The following RGS6 variants were observed in gnomAD, a reference collection of about 807,000 sequenced individuals.
RGS6 encodes regulator of G-protein signaling 6.
In RGS6, 30 loss-of-function variants were observed where a neutral mutation model predicts 78.5. The ratio of observed to expected loss-of-function variants is 0.38; its 90% CI spans 0.29 to 0.52. The LOEUF (loss-of-function observed/expected upper bound fraction) is 0.52. Ranked by LOEUF, RGS6 falls within the 20% of genes least tolerant of loss-of-function variation. The probability of loss-of-function intolerance (pLI) is 0.85; values close to 1 mark genes in which losing one functional copy is unlikely to be tolerated. For missense variants in RGS6, 495 were observed against 609.7 expected (o/e 0.81, Z 1.98); for synonymous variants, 206 against 206.0 (o/e 1.00, Z 0.00).
intron 6 of RGS6, among the ~76,000 whole-genome samples, chr14:72,464,495 A>G (rs1372260079): frequency 6.6e-6 from 1 of 152,128 alleles, no homozygotes; most frequent in Non-Finnish European, 1.5e-5. Flanking sequence ...GTATCAGTAA[A>G]TTTTTCAGAA....
chr14:71,898,867 A>T, the RGS6 span, among the ~76,000 whole-genome samples: 3 of 152,218 alleles, frequency 2.0e-5, no homozygotes, highest in Non-Finnish European at 4.4e-5. Flanking sequence ...GTGGCTGCAT[A>T]GTAACCCATG....
chr14:72,316,966 T>C (rs2152492122), intron 2 of RGS6, among the ~76,000 whole-genome samples: 1 of 151,594 alleles, frequency 6.6e-6, no homozygotes, highest in African/African-American at 2.4e-5. Context: ...TCAATGTTCC[T>C]TTGAAAATGG....
intron 2 of RGS6, among the ~76,000 whole-genome samples, chr14:71,967,800 A>G (rs548461280): frequency 9.8e-5 from 15 of 152,310 alleles, no homozygotes; most frequent in African/African-American, 3.6e-4. Flanking sequence ...GTGGATGATT[A>G]TGTCCATAAT....
intron 1 of RGS6, among the ~76,000 whole-genome samples, chr14:71,942,008 A>G (rs981340996): frequency 6.6e-6 from 1 of 152,220 alleles, no homozygotes; most frequent in African/African-American, 2.4e-5. Flanking sequence ...TATACCTGCC[A>G]ATAGGTGTTC....
chr14:72,291,772 A>T (rs57843943), intron 2 of RGS6, among the ~76,000 whole-genome samples: 14 of 152,168 alleles, frequency 9.2e-5, no homozygotes, highest in South Asian at 4.1e-4. Context: ...GCAAATTTTT[A>T]AAAAAAGAAA....
intron 17 of RGS6, among the ~76,000 whole-genome samples, chr14:72,544,227 C>G (rs1298740144): frequency 6.6e-6 from 1 of 152,222 alleles, no homozygotes; most frequent in Non-Finnish European, 1.5e-5. Context: ...CTGAAGCCAT[C>G]TGGTGAGAGC....
chr14:71,986,022 G>C (rs1178246551), intron 2 of RGS6, among the ~76,000 whole-genome samples: 1 of 152,174 alleles, frequency 6.6e-6, no homozygotes, highest in Non-Finnish European at 1.5e-5. Context: ...CAAGTTTGAA[G>C]AATAAAACTT....
At chr14:72,246,035 A>G (rs532305754) in intron 2 of RGS6, among the ~76,000 whole-genome samples, 2 of 152,336 alleles carry the variant, frequency 1.3e-5, no homozygotes, top group South Asian at 4.1e-4. Context: ...CCTTCAACCT[A>G]AAATATTCAG....
At chr14:72,410,030 G>A (rs2093284522) in intron 3 of RGS6, among the ~76,000 whole-genome samples, 1 of 152,206 alleles carries the variant, frequency 6.6e-6, no homozygotes, top group South Asian at 2.1e-4. Flanking sequence ...ACATACATGT[G>A]CATGTGTCTT....
At chr14:72,005,439 C>CTCTATCTATCTATCCA (rs2084331729) in intron 2 of RGS6, among the ~76,000 whole-genome samples, 2 of 143,512 alleles carry the variant, frequency 1.4e-5, no homozygotes, top group Non-Finnish European at 3.1e-5. Context: ...ACCTGCATAT[C>CTCTATCTATCTATCCA]TCTATCTATC....
At chr14:72,523,766 G>A (rs184774630) in intron 15 of RGS6, among the ~76,000 whole-genome samples, 60 of 152,332 alleles carry the variant, frequency 3.9e-4, no homozygotes, top group South Asian at 2.1e-3. Context: ...GTCCTCAGCT[G>A]TTTGCTGTGT....
intron 2 of RGS6, among the ~76,000 whole-genome samples, chr14:72,106,634 C>T (rs1282102103): frequency 6.6e-6 from 1 of 152,208 alleles, no homozygotes; most frequent in Non-Finnish European, 1.5e-5. Flanking sequence ...AGTTGTGTCA[C>T]TGAATTGCAT....
At chr14:72,430,417 C>A (rs2094580100) in intron 3 of RGS6, among the ~76,000 whole-genome samples, 1 of 152,192 alleles carries the variant, frequency 6.6e-6, no homozygotes, top group Non-Finnish European at 1.5e-5. Flanking sequence ...AAGGACTCTC[C>A]TTTGAGGGTG....
At position 72,186,341 on chromosome 14, in the gene RGS6, T is replaced by G. The variant is rs146031541; in HGVS notation, c.85-165754T>G. ...TACAGCCGAGTTTGCGTAAGTTCTG[T>G]ATAGTACACCACCAAGCACCTTAAC... On this transcript the variant is annotated intron_variant, in intron 2 of 17. Coordinates refer to ENST00000553525, the MANE Select transcript of RGS6 (RefSeq NM_001204424.2). 1.7e-3 allele frequency among the ~76,000 whole-genome samples: 262 copies of G among 152,366 alleles called. 1 individual carries two copies. The Middle Eastern group carries it at 0.027, about 16-fold the overall frequency.
intron 2 of RGS6, among the ~76,000 whole-genome samples, chr14:72,237,783 G>A (rs762020106): frequency 6.6e-6 from 1 of 152,152 alleles, no homozygotes; most frequent in African/African-American, 2.4e-5. Flanking sequence ...GGGGAATGTG[G>A]CAAGAATGAA....
At position 72,544,111 on chromosome 14, in the gene RGS6, G is replaced by T. The variant is rs80172755; in HGVS notation, c.1422+4017G>T. 3.3e-3 allele frequency among the ~76,000 whole-genome samples: 508 copies of T among 152,324 alleles called. 2 individuals carry two copies. The highest frequency in any genetic ancestry group is 0.012 in the African/African-American group (491 of 41,580). ...GGGGTGGGGGGCCTCACCAAAGAGG[G>T]CCTGGCTCTGACATAGAGGACCAGG... is the stretch of plus-strand genomic sequence containing the variant. On this transcript the variant is annotated intron_variant, in intron 17 of 17. Transcript: ENST00000553525.
chr14:72,629,617 A>G, the RGS6 span: 1 of 1,534,740 alleles, frequency 6.5e-7, no homozygotes, highest in African/African-American at 1.4e-5. Flanking sequence ...GAAAGCCCCA[A>G]ACTCACATCA....
At chr14:72,588,737 G>T in the RGS6 span, among the ~76,000 whole-genome samples, 4 of 152,326 alleles carry the variant, frequency 2.6e-5, no homozygotes, top group South Asian at 8.3e-4. Flanking sequence ...CTTTCAGAAG[G>T]CAAGTTTCTG....
intron 13 of RGS6, among the ~76,000 whole-genome samples, chr14:72,497,972 T>G (rs1293776629): frequency 2.0e-5 from 3 of 152,172 alleles, no homozygotes; most frequent in African/African-American, 7.2e-5. Flanking sequence ...CATCTTTTAG[T>G]CTTTTTATTC....
Sources: allele counts gnomAD v4.1 joint callset (sites outside exome capture counted in the v4.1 genomes callset), GRCh38; gene constraint gnomAD v4.1.1; transcripts MANE v1.5; gene names NCBI Gene and HGNC (gene_info 2026-07-23, HGNC 2026-07-21).